CGRRF1: variants seen among roughly 807,000 people sequenced by gnomAD.
The protein encoded by CGRRF1 is cell growth regulator with ring finger domain 1, also known as cell growth regulator with RING finger domain protein 1.
In CGRRF1, 32 loss-of-function variants were observed where a neutral mutation model predicts 37.2. The ratio of observed to expected loss-of-function variants is 0.86; its 90% CI spans 0.65 to 1.16. CGRRF1 has a LOEUF of 1.16. Ranked by LOEUF, CGRRF1 falls within the 50% of genes most tolerant of loss-of-function variation. CGRRF1 has a pLI of 0.00. For missense variants in CGRRF1, 391 were observed against 382.6 expected (o/e 1.02, Z -0.18); for synonymous variants, 141 against 140.3 (o/e 1.00, Z -0.04).
At chr14:54,522,401 CAT>C (rs1425142116) in intron 1 of CGRRF1, 51 bp from the exon 2 acceptor site, 13 of 1,284,684 alleles carry the variant, frequency 1.0e-5, no homozygotes, top group Admixed American at 3.1e-5. Flanking sequence ...TTACACATAA[CAT>C]AAAGTTTCAA....
intron 1 of CGRRF1, among the ~76,000 whole-genome samples, chr14:54,515,090 GTTTTTTTTTTTTTT>G (rs935043483): frequency 1.6e-5 from 2 of 124,166 alleles, no homozygotes; most frequent in East Asian, 4.4e-4. Context: ...TGAGTTTTTT[GTTTTTTTTTTTTTT>G]TTTGAGACAG....
chr14:54,533,175 A>G (rs2032545832), intron 4 of CGRRF1, among the ~76,000 whole-genome samples: 1 of 151,554 alleles, frequency 6.6e-6, no homozygotes, highest in Non-Finnish European at 1.5e-5. Flanking sequence ...TATATTTTAT[A>G]TATAAAGTTT....
chr14:54,530,898 A>G lies in CGRRF1; in HGVS notation c.423-5A>G. 1 of 1,571,824 alleles carries G rather than the reference A, an allele frequency of 6.4e-7. No homozygotes were observed. The highest frequency in any genetic ancestry group is 8.7e-7 in the Non-Finnish European group (1 of 1,147,222). Reference sequence around the variant, plus strand: ...GTGGCAATTTACCTTTACATTTTCAAAAAGTATTAAAAAGGATAGCAAAGA... The same window carrying G: ...GTGGCAATTTACCTTTACATTTTCAGAAAGTATTAAAAAGGATAGCAAAGA... On this transcript the variant is annotated splice_polypyrimidine_tract_variant and splice_region_variant and intron_variant, in intron 3 of 5. Coordinates refer to ENST00000216420, the MANE Select transcript of CGRRF1 (RefSeq NM_006568.3).
intron 4 of CGRRF1, among the ~76,000 whole-genome samples, chr14:54,533,328 A>T (rs961188428): frequency 6.6e-6 from 1 of 152,046 alleles, no homozygotes; most frequent in Admixed American, 6.6e-5. Context: ...CCCATAGGGA[A>T]GCCTGAGTGT....
At chr14:54,527,374 A>T (rs1323320673) in intron 2 of CGRRF1, among the ~76,000 whole-genome samples, 1 of 152,180 alleles carries the variant, frequency 6.6e-6, no homozygotes, top group African/African-American at 2.4e-5. Flanking sequence ...TGACGAGTTA[A>T]TGGGTGCAGG....
intron 4 of CGRRF1, among the ~76,000 whole-genome samples, chr14:54,533,032 C>T (rs1472898818): frequency 2.0e-5 from 3 of 151,884 alleles, no homozygotes; most frequent in Non-Finnish European, 4.4e-5. Flanking sequence ...GTCATTTTCC[C>T]TCCCAGCTTC....
Position 54,538,371 on chromosome 14 carries a change from G to T in CGRRF1, c.987G>T (p.Pro329=). Residue 329 remains proline (P), a synonymous_variant, in exon 6 of 6, where the codon CCG becomes CCT. Coordinates refer to ENST00000216420, the MANE Select transcript of CGRRF1 (RefSeq NM_006568.3). ...CSQKEQDKDK[P]KTL ...AAAAAGAGCAAGATAAAGACAAACC[G>T]AAGACTCTTTGAAGACATCGTAACA... 6.2e-7 allele frequency: 1 copy of T among 1,606,672 alleles called. No homozygotes were observed. The highest frequency in any genetic ancestry group is 8.5e-7 in the Non-Finnish European group (1 of 1,173,910).
chr14:54,517,731 A>G (rs999891866), intron 1 of CGRRF1, among the ~76,000 whole-genome samples: 5 of 152,156 alleles, frequency 3.3e-5, no homozygotes, highest in African/African-American at 1.2e-4. Flanking sequence ...TCACCTTGAT[A>G]TTAAGCCCAG....
rs763639476 is a variant in CGRRF1, at chr14:54,537,836, C to T, written c.678+7C>T. 9 of 1,595,032 alleles carry T rather than the reference C, an allele frequency of 5.6e-6. No individual in the cohort carries two copies. The highest frequency in any genetic ancestry group is 7.7e-6 in the Non-Finnish European group (9 of 1,175,318). ...TCAATTTCATGATCTTAAGGTAAGC[C>T]GTACTCTGTAGTCTTATCTCTGTCT... On this transcript the variant is annotated splice_region_variant and intron_variant, in intron 5 of 5. Transcript: ENST00000216420.
rs146863356 is a variant in CGRRF1, at chr14:54,533,761, C to T, written c.570+2711C>T. Among the ~76,000 whole-genome samples the T allele has an allele frequency of 7.3e-4, 110 of 151,558 alleles. No individual in the cohort carries two copies. The East Asian group carries it at 0.02, about 27-fold the overall frequency. ...AGGAATTGTTACTACAAAATTTTGA[C>T]TTTAAAATTTTTTCATTTTTAGTTA... On this transcript the variant is annotated intron_variant, in intron 4 of 5. Coordinates refer to ENST00000216420, the MANE Select transcript of CGRRF1 (RefSeq NM_006568.3).
intron 1 of CGRRF1, among the ~76,000 whole-genome samples, chr14:54,516,597 A>G (rs1465290781): frequency 2.0e-5 from 3 of 151,814 alleles, no homozygotes; most frequent in Non-Finnish European, 4.4e-5. Context: ...GATTTTCTCT[A>G]TATTACTGGT....
chr14:54,527,623 G>T (rs567582951), intron 2 of CGRRF1, among the ~76,000 whole-genome samples: 49 of 152,080 alleles, frequency 3.2e-4, no homozygotes, highest in Non-Finnish European at 5.7e-4. Flanking sequence ...GTCTATAAAC[G>T]AGTCTCTTAA....
chr14:54,530,023 C>G, intron 2 of CGRRF1, 26 bp from the exon 3 acceptor site: 1 of 1,580,210 alleles, frequency 6.3e-7, no homozygotes. Flanking sequence ...AAATCACTTT[C>G]ATTCTTTCTC....
intron 1 of CGRRF1, among the ~76,000 whole-genome samples, chr14:54,516,585 A>T (rs966126981): frequency 8.6e-5 from 13 of 151,312 alleles, no homozygotes; most frequent in African/African-American, 3.2e-4. Context: ...TCTTTTTCTT[A>T]GGATTTTCTC....
intron 1 of CGRRF1, among the ~76,000 whole-genome samples, chr14:54,521,819 C>G (rs77879789): frequency 0.059 from 8,920 of 152,204 alleles, 364 homozygotes; most frequent in Middle Eastern, 0.092. Flanking sequence ...TAGTCTGCCT[C>G]TTGAATATAT....
intron 1 of CGRRF1, among the ~76,000 whole-genome samples, chr14:54,522,052 C>T (rs1439728505): frequency 6.6e-6 from 1 of 152,138 alleles, no homozygotes; most frequent in Non-Finnish European, 1.5e-5. Flanking sequence ...CCCCCATATT[C>T]TAGGATGCTT....
chr14:54,536,546 G>T (rs181484395), intron 4 of CGRRF1: 1 of 152,246 alleles, frequency 6.6e-6, no homozygotes, highest in East Asian at 1.9e-4. Flanking sequence ...TCCACAGAGT[G>T]TATTGACAAG....
chr14:54,517,182 C>T (rs1594647566), intron 1 of CGRRF1, among the ~76,000 whole-genome samples: 3 of 152,116 alleles, frequency 2.0e-5, no homozygotes, highest in African/African-American at 7.2e-5. Context: ...GTACTGTTTT[C>T]CTGCTCTTTG....
Position 54,530,219 on chromosome 14 carries a change from C to G in CGRRF1, c.415C>G (p.Gln139Glu), listed in dbSNP as rs764329500. ...GTATAGTGAATATCTCTATCAGGAA[C>G]AGTATTTGTATCCTTTCGTCTGATA... ...ALYSEYLYQE[Q>E]YFIKKDSKEE... The change falls in exon 3 of 6, where the codon CAG becomes GAG. Residue 139 changes from glutamine (Q) to glutamate (E), a missense_variant. By Grantham distance (29) the Gln-to-Glu change is conservative. Transcript: ENST00000216420. The G allele has an allele frequency of 3.7e-6, 6 of 1,600,596 alleles. No homozygotes were observed. The highest frequency in any genetic ancestry group is 2.2e-5 in the South Asian group (2 of 90,562).
Sources: allele counts gnomAD v4.1 joint callset (sites outside exome capture counted in the v4.1 genomes callset), GRCh38; gene constraint gnomAD v4.1.1; transcripts MANE v1.5; gene names NCBI Gene and HGNC (gene_info 2026-07-23, HGNC 2026-07-21).